NFASC: variants seen among roughly 807,000 people sequenced by gnomAD.
NFASC encodes neurofascin homolog.
In NFASC, 43 loss-of-function variants were observed where a neutral mutation model predicts 147.5. The observed-to-expected ratio is 0.29, with a 90% CI of 0.23 to 0.38. NFASC has a LOEUF of 0.38. Ranked by LOEUF, NFASC falls within the 10% of genes least tolerant of loss-of-function variation. The pLI, the probability that NFASC is intolerant of heterozygous loss-of-function variation, is 1.00. For missense variants in NFASC, 1,320 were observed against 1,689.0 expected (o/e 0.78, Z 3.83); for synonymous variants, 622 against 665.5 (o/e 0.93, Z 1.01).
chr1:204,997,406 G>T lies in NFASC; in HGVS notation c.3019G>T (p.Ala1007Ser). 6.4e-7 allele frequency: 1 copy of T among 1,551,860 alleles called. No individual in the cohort carries two copies. The highest frequency in any genetic ancestry group is 8.7e-7 in the Non-Finnish European group (1 of 1,147,012). ...TTSGTKIHES[A>S]PDEQSIWNVT... is the part of the protein sequence containing the mutation. ...CTCCGGGACTAAGATACACGAATCC[G>T]GTACTGCGCATCGCCCATGCTCCCC... Residue 1007 changes from alanine (A) to serine (S), a missense_variant and splice_region_variant, in exon 25 of 30, where the codon GCC becomes TCC. Coordinates refer to ENST00000339876, the MANE Select transcript of NFASC (RefSeq NM_001005388.3).
chr1:204,986,394 C>A lies in NFASC; in HGVS notation c.2471-1024C>A, dbSNP rs1222389168. Among the ~76,000 whole-genome samples the A allele has an allele frequency of 6.6e-6, 1 of 152,210 alleles. No individual in the cohort carries two copies. Among genetic ancestry groups the A allele is most frequent in the African/African-American group, 2.4e-5 (1 of 41,446 alleles). On this transcript the variant is annotated intron_variant, in intron 21 of 29. Coordinates refer to ENST00000339876, the MANE Select transcript of NFASC (RefSeq NM_001005388.3). The surrounding 1 kb of genome is among the most constrained non-coding windows in gnomAD (Gnocchi z 4.2). ...TGCAGACTGATCCCCGAGGGCACGGCGGGCACCTGGGCCACCCCACCACCT... is the reference window on the plus strand; with the variant it reads ...TGCAGACTGATCCCCGAGGGCACGGAGGGCACCTGGGCCACCCCACCACCT...
At chr1:204,915,728 A>G (rs1378737473) in intron 1 of NFASC, among the ~76,000 whole-genome samples, 1 of 152,190 alleles carries the variant, frequency 6.6e-6, no homozygotes, top group Admixed American at 6.5e-5. Flanking sequence ...CAAGGGGTAG[A>G]GGCACATGAA....
At position 204,973,357 on chromosome 1, in the gene NFASC, A is replaced by G. The variant is rs1220843173; in HGVS notation, c.1217A>G (p.Tyr406Cys). ...RDTQISSRAV[Y>C]QCNTSNEHGY... is the part of the protein sequence containing the mutation. ...ACCCAGATCAGCAGCAGGGCTGTGT[A>G]CCAGTGCAACACCTCCAACGAGCAT... Residue 406 changes from tyrosine (Y) to cysteine (C), a missense_variant, in exon 12 of 30, where the codon TAC (tyrosine) becomes TGC (cysteine). By Grantham distance (194) the Tyr-to-Cys change is radical. This residue lies in a region of NFASC where 981 missense variants were observed against 1,289.5 expected (regional missense o/e 0.76). Transcript: ENST00000339876. The G allele has an allele frequency of 1.2e-6, 2 of 1,614,242 alleles. No individual in the cohort carries two copies. Among genetic ancestry groups the G allele is most frequent in the Non-Finnish European group, 1.7e-6 (2 of 1,180,040 alleles).
Position 205,016,488 on chromosome 1 carries a change from C to T in NFASC, c.3672C>T (p.Asn1224=), listed in dbSNP as rs772865262. 38 of 1,613,990 alleles carry T rather than the reference C, an allele frequency of 2.4e-5. No individual in the cohort carries two copies. Among genetic ancestry groups the T allele is most frequent in the Non-Finnish European group, 2.7e-5 (32 of 1,180,010 alleles). The change falls in exon 30 of 30, where the codon AAC becomes AAT. Residue 1224 remains asparagine, a synonymous_variant. Coordinates refer to ENST00000339876, the MANE Select transcript of NFASC (RefSeq NM_001005388.3). The surrounding 1 kb of genome is among the most constrained non-coding windows in gnomAD (Gnocchi z 5.1). ...VKKDKEETEG[N]ESSEATSPVN... ...AGGACAAGGAGGAAACAGAGGGCAACGAAAGCTCAGAGGCCACGTCACCTG... is the reference window on the plus strand; with the variant it reads ...AGGACAAGGAGGAAACAGAGGGCAATGAAAGCTCAGAGGCCACGTCACCTG...
intron 2 of NFASC, among the ~76,000 whole-genome samples, chr1:204,935,051 C>CATTATAGT (rs2092713147): frequency 6.6e-6 from 1 of 152,126 alleles, no homozygotes; most frequent in Non-Finnish European, 1.5e-5. Flanking sequence ...ATCTAGCACT[C>CATTATAGT]ATTATAGTGA....
intron 1 of NFASC, chr1:204,871,041 G>A: frequency 7.8e-7 from 1 of 1,289,852 alleles, no homozygotes; most frequent in Non-Finnish European, 1.0e-6. Context: ...GACGCTGGAT[G>A]AACCAGACCA....
intron 1 of NFASC, among the ~76,000 whole-genome samples, chr1:204,831,164 G>A (rs1272961458): frequency 1.3e-5 from 2 of 152,080 alleles, no homozygotes; most frequent in East Asian, 1.9e-4. Flanking sequence ...GGTGAAGTGG[G>A]GGATTCTAAT....
At chr1:204,939,715 G>A (rs900552592) in intron 2 of NFASC, among the ~76,000 whole-genome samples, 34 of 152,398 alleles carry the variant, frequency 2.2e-4, no homozygotes, top group African/African-American at 7.7e-4. Flanking sequence ...GGGCAAGACT[G>A]TGCAATGACT....
intron 1 of NFASC, among the ~76,000 whole-genome samples, chr1:204,900,015 T>C (rs1204315118): frequency 6.6e-6 from 1 of 152,250 alleles, no homozygotes; most frequent in Non-Finnish European, 1.5e-5. Flanking sequence ...GTGGATGTGT[T>C]GAAATGCTTT....
intron 27 of NFASC, among the ~76,000 whole-genome samples, chr1:205,007,213 C>G (rs1029722879): frequency 2.6e-5 from 4 of 151,432 alleles, no homozygotes; most frequent in African/African-American, 7.3e-5. Context: ...CACAACATAG[C>G]AAGACCCTGT....
At chr1:204,896,583 A>C (rs1466965708) in intron 1 of NFASC, among the ~76,000 whole-genome samples, 1 of 152,218 alleles carries the variant, frequency 6.6e-6, no homozygotes, top group Non-Finnish European at 1.5e-5. Flanking sequence ...TTGTACACTC[A>C]GGAAGGGACA....
chr1:204,883,750 C>T (rs987624582), intron 1 of NFASC, among the ~76,000 whole-genome samples: 1 of 152,204 alleles, frequency 6.6e-6, no homozygotes, highest in Non-Finnish European at 1.5e-5. Context: ...GTGCCAGCAG[C>T]ATGGGATTGG....
intron 1 of NFASC, among the ~76,000 whole-genome samples, chr1:204,876,522 T>C (rs1006010201): frequency 2.0e-5 from 3 of 152,192 alleles, no homozygotes; most frequent in African/African-American, 7.2e-5. Flanking sequence ...ATTCACTTAT[T>C]ATATAACCAT....
chr1:204,845,699 T>G (rs1457707547), intron 1 of NFASC, among the ~76,000 whole-genome samples: 2 of 152,056 alleles, frequency 1.3e-5, no homozygotes, highest in African/African-American at 4.8e-5. Context: ...GCCAGGAATT[T>G]GAGACCAACC....
chr1:204,969,231 C>T (rs950079605), intron 10 of NFASC, among the ~76,000 whole-genome samples: 2 of 152,124 alleles, frequency 1.3e-5, no homozygotes, highest in African/African-American at 2.4e-5. Context: ...TTGGTGCCAG[C>T]GCTCCCTCAG....
chr1:204,928,735 T>C (rs961114273), intron 2 of NFASC, among the ~76,000 whole-genome samples: 8 of 152,188 alleles, frequency 5.3e-5, no homozygotes, highest in African/African-American at 1.9e-4. Flanking sequence ...GTCCAAGCTA[T>C]ATGGCTTGAT....
intron 1 of NFASC, among the ~76,000 whole-genome samples, chr1:204,858,770 T>C (rs2076392977): frequency 6.6e-6 from 1 of 152,134 alleles, no homozygotes; most frequent in South Asian, 2.1e-4. Flanking sequence ...GTAGGAGCTC[T>C]GGGGCTCCCA....
intron 1 of NFASC, among the ~76,000 whole-genome samples, chr1:204,883,243 C>T (rs569243961): frequency 1.3e-5 from 2 of 152,300 alleles, no homozygotes; most frequent in Admixed American, 1.3e-4. Context: ...GGCTGAAACA[C>T]GGCAGCCTGA....
At chr1:204,973,771 G>T (rs1186073913) in intron 12 of NFASC, among the ~76,000 whole-genome samples, 2 of 152,104 alleles carry the variant, frequency 1.3e-5, no homozygotes, top group African/African-American at 2.4e-5. Flanking sequence ...CCATCGCCTT[G>T]GTGTATCCAT....
Sources: gnomAD v4.1 joint callset for allele counts (sites outside exome capture counted in the v4.1 genomes callset) on GRCh38, gnomAD v4.1.1 for gene constraint, gnomAD v4.1.1 regional missense constraint, Gnocchi (gnomAD v3.1) non-coding constraint, MANE v1.5 for transcripts, NCBI Gene and HGNC (gene_info 2026-07-23, HGNC 2026-07-21) for gene names.